TGFBR2: variants seen among roughly 807,000 people sequenced by gnomAD.
TGFBR2 encodes transforming growth factor beta receptor 2.
TGFBR2 carries 18 observed loss-of-function variants against 49.0 expected under a neutral mutation model. That is an observed-to-expected ratio of 0.37 (90% CI 0.25 to 0.54). TGFBR2 has a LOEUF of 0.54. TGFBR2 is among the 20% of genes least tolerant of loss of function. The probability of loss-of-function intolerance (pLI) is 0.85; values close to 1 mark genes in which losing one functional copy is unlikely to be tolerated. For missense variants in TGFBR2, 525 were observed against 722.6 expected (o/e 0.73, Z 3.13); for synonymous variants, 282 against 275.9 (o/e 1.02, Z -0.22).
chr3:30,631,856 CCCCCT>C (rs1698444252), intron 1 of TGFBR2, among the ~76,000 whole-genome samples: 1 of 151,960 alleles, frequency 6.6e-6, no homozygotes, highest in Admixed American at 6.6e-5. Flanking sequence ...GAACTCAAAG[CCCCCT>C]CATGGTCGAT....
At position 30,644,799 on chromosome 3, in the gene TGFBR2, A is replaced by G. The variant is rs546802568; in HGVS notation, c.147A>G (p.Gln49=). 1.2e-6 allele frequency: 2 copies of G among 1,614,114 alleles called. No individual in the cohort carries two copies. Among genetic ancestry groups the G allele is most frequent in the East Asian group, 2.2e-5 (1 of 44,876 alleles). The change falls in exon 2 of 7, where the codon CAA becomes CAG. Residue 49 remains glutamine (Q), a synonymous_variant. Transcript: ENST00000295754. The part of the protein sequence containing the change: ...TDNNGAVKFP[Q]LCKFCDVRFS... ...ACAACGGTGCAGTCAAGTTTCCACA[A>G]CTGTGTAAATTTTGTGATGTGAGAT... is the stretch of plus-strand genomic sequence containing the variant.
intron 1 of TGFBR2, among the ~76,000 whole-genome samples, chr3:30,644,143 C>T (rs1698688485): frequency 6.6e-6 from 1 of 152,166 alleles, no homozygotes; most frequent in African/African-American, 2.4e-5. Context: ...TAGAACTAGT[C>T]CCTTGAAAAG....
chr3:30,620,555 G>C (rs574782017), intron 1 of TGFBR2, among the ~76,000 whole-genome samples: 6 of 152,118 alleles, frequency 3.9e-5, no homozygotes, highest in Non-Finnish European at 8.8e-5. Flanking sequence ...TAGTTTCTGT[G>C]AATTTTGGGG....
At chr3:30,607,609 A>G (rs920368908) in intron 1 of TGFBR2, among the ~76,000 whole-genome samples, 30 of 151,940 alleles carry the variant, frequency 2.0e-4, no homozygotes, top group African/African-American at 7.2e-4. Context: ...GAAACCGAGA[A>G]TCCCTCACTG....
intron 1 of TGFBR2, among the ~76,000 whole-genome samples, chr3:30,607,910 T>A (rs1697960042): frequency 6.7e-6 from 1 of 148,524 alleles, no homozygotes; most frequent in Admixed American, 6.7e-5. Flanking sequence ...CTATTTGTTA[T>A]GGAAAGTGTA....
chr3:30,664,018 T>C (rs67307241), intron 3 of TGFBR2, among the ~76,000 whole-genome samples: 30,761 of 150,394 alleles, frequency 0.2, 3,436 homozygotes, highest in East Asian at 0.35. Context: ...ATGTTCTCGT[T>C]CTGTTGCCCA....
At chr3:30,621,633 T>A in intron 1 of TGFBR2, among the ~76,000 whole-genome samples, 1 of 152,194 alleles carries the variant, frequency 6.6e-6, no homozygotes, top group Non-Finnish European at 1.5e-5. Context: ...TTGGAAATGG[T>A]TGAAATATAA....
At chr3:30,641,874 C>G (rs1411492772) in intron 1 of TGFBR2, among the ~76,000 whole-genome samples, 2 of 152,044 alleles carry the variant, frequency 1.3e-5, no homozygotes, top group Non-Finnish European at 1.5e-5. Context: ...CTCTTTCTCT[C>G]TCCTCCCCCT....
intron 1 of TGFBR2, among the ~76,000 whole-genome samples, chr3:30,615,364 A>G (rs534882302): frequency 6.6e-6 from 1 of 152,332 alleles, no homozygotes; most frequent in African/African-American, 2.4e-5. Context: ...GAAATCTTGC[A>G]GTGCCCTGAA....
chr3:30,687,855 TTA>T (rs1468414551), intron 5 of TGFBR2, among the ~76,000 whole-genome samples: 4 of 152,232 alleles, frequency 2.6e-5, no homozygotes, highest in Non-Finnish European at 5.9e-5. Flanking sequence ...TGTGTCTGGC[TTA>T]TTTCACTTAG....
intron 3 of TGFBR2, among the ~76,000 whole-genome samples, chr3:30,660,041 C>T (rs1699090057): frequency 6.6e-6 from 1 of 152,060 alleles, no homozygotes; most frequent in Non-Finnish European, 1.5e-5. Flanking sequence ...CTGCATGTTA[C>T]CTGTTGTGGA....
chr3:30,646,751 G>A (rs1486613544), intron 2 of TGFBR2, among the ~76,000 whole-genome samples: 1 of 152,070 alleles, frequency 6.6e-6, no homozygotes, highest in Admixed American at 6.6e-5. Flanking sequence ...TCCTTCCGTG[G>A]TTTCTTAAAT....
intron 2 of TGFBR2, among the ~76,000 whole-genome samples, chr3:30,645,869 C>G (rs1046694264): frequency 2.6e-5 from 4 of 151,578 alleles, no homozygotes; most frequent in African/African-American, 9.7e-5. Flanking sequence ...ACATACATCT[C>G]AAATAATAAT....
chr3:30,609,376 A>G lies in TGFBR2; in HGVS notation c.94+2399A>G, dbSNP rs143000014. Reference sequence around the variant, plus strand: ...AAAATATCTTAATGCAAGATAATATATCAGGTAATGAGATTGTTTAATAAA... The same window carrying G: ...AAAATATCTTAATGCAAGATAATATGTCAGGTAATGAGATTGTTTAATAAA... On this transcript the variant is annotated intron_variant, in intron 1 of 6. Transcript: ENST00000295754. Among the ~76,000 whole-genome samples the G allele has an allele frequency of 3.3e-5, 5 of 152,328 alleles. No individual in the cohort carries two copies. In the East Asian group the frequency reaches 9.6e-4, roughly 29 times the overall value.
In TGFBR2 at chr3:30,691,473, G is replaced by T. The variant is rs2125455277; in HGVS notation, c.1578G>T (p.Glu526Asp). The change falls in exon 7 of 7, where the codon GAG (glutamate) becomes GAT (aspartate). Residue 526 changes from glutamate to aspartate, a missense_variant. Physicochemically the swap from Glu to Asp is conservative, Grantham distance 45. Transcript: ENST00000295754. Reference protein sequence around the residue: ...TLTECWDHDPEARLTAQCVAE... With the variant: ...TLTECWDHDPDARLTAQCVAE... ...CTGAGTGCTGGGACCACGACCCAGA[G>T]GCCCGTCTCACAGCCCAGTGTGTGG... 1 of 1,614,114 alleles carries T rather than the reference G, an allele frequency of 6.2e-7. No individual in the cohort carries two copies.
chr3:30,663,200 G>A (rs1699170463), intron 3 of TGFBR2, among the ~76,000 whole-genome samples: 1 of 152,040 alleles, frequency 6.6e-6, no homozygotes, highest in Admixed American at 6.6e-5. Context: ...GTGTGTGTGT[G>A]TATACAGATA....
intron 2 of TGFBR2, among the ~76,000 whole-genome samples, chr3:30,648,576 G>A (rs116571184): frequency 0.012 from 1,864 of 152,160 alleles, 34 homozygotes; most frequent in African/African-American, 0.042. Flanking sequence ...TACATCATTT[G>A]TTGTATGATC....
intron 3 of TGFBR2, among the ~76,000 whole-genome samples, chr3:30,658,114 G>A (rs1699042314): frequency 6.6e-6 from 1 of 152,214 alleles, no homozygotes; most frequent in African/African-American, 2.4e-5. Context: ...GTAAGTGATT[G>A]GACGTGGCTG....
chr3:30,625,517 C>T (rs1245846110), intron 1 of TGFBR2, among the ~76,000 whole-genome samples: 2 of 152,280 alleles, frequency 1.3e-5, no homozygotes, highest in East Asian at 3.9e-4. Flanking sequence ...TCAGATCTTT[C>T]AGACATTATC....
Sources: gnomAD v4.1 joint callset for allele counts (sites outside exome capture counted in the v4.1 genomes callset) on GRCh38, gnomAD v4.1.1 for gene constraint, MANE v1.5 for transcripts, NCBI Gene and HGNC (gene_info 2026-07-23, HGNC 2026-07-21) for gene names.